Variants in CCS observed in about 807,000 individuals in gnomAD.
The protein encoded by CCS is superoxide dismutase copper chaperone.
In CCS, 32 loss-of-function variants were observed where a neutral mutation model predicts 35.5. The ratio of observed to expected loss-of-function variants is 0.90; its 90% CI spans 0.68 to 1.21. The LOEUF (loss-of-function observed/expected upper bound fraction) is 1.21. Among genes scored for constraint, CCS ranks in the 50% most tolerant of loss-of-function variants. CCS has a pLI of 0.00. For synonymous variants in CCS, 130 were observed against 147.2 expected (o/e 0.88, Z 0.84); for missense variants, 342 against 375.4 (o/e 0.91, Z 0.73).
intron 3 of CCS, 39 bp from the exon 4 acceptor site, chr11:66,599,420 T>G: frequency 6.6e-7 from 1 of 1,510,438 alleles, no homozygotes; most frequent in East Asian, 2.3e-5. Flanking sequence ...GTGTGCTGGG[T>G]GAGGTGGCAA....
chr11:66,594,091 G>A (rs1858431534), intron 2 of CCS, among the ~76,000 whole-genome samples: 1 of 152,180 alleles, frequency 6.6e-6, no homozygotes, highest in Admixed American at 6.5e-5. Context: ...GGGTGTGGTG[G>A]CTCATGCCTG....
intron 5 of CCS, among the ~76,000 whole-genome samples, chr11:66,603,956 G>A (rs1252126381): frequency 6.6e-6 from 1 of 151,852 alleles, no homozygotes; most frequent in African/African-American, 2.4e-5. Context: ...GAACCTGGGG[G>A]GTGGGGAGGT....
At chr11:66,605,452 A>G (rs774006073) in intron 6 of CCS, 36 bp downstream of exon 6, 2 of 1,613,674 alleles carry the variant, frequency 1.2e-6, no homozygotes, top group South Asian at 2.2e-5. Context: ...CCTTCCTAAC[A>G]GGGTCCATCA....
At chr11:66,593,513 G>A in intron 1 of CCS, 129 bp from the exon 2 acceptor site, 1 of 1,028,618 alleles carries the variant, frequency 9.7e-7, no homozygotes, top group Admixed American at 2.1e-5. Context: ...TCATGAAGAA[G>A]GTGCTTGAAG....
intron 2 of CCS, among the ~76,000 whole-genome samples, chr11:66,596,607 C>T (rs1858481775): frequency 6.6e-6 from 1 of 151,916 alleles, no homozygotes; most frequent in Admixed American, 6.6e-5. Context: ...GTCTCGATCT[C>T]CTGACCTTGT....
intron 2 of CCS, among the ~76,000 whole-genome samples, chr11:66,598,424 G>A (rs186375925): frequency 2.7e-4 from 40 of 149,090 alleles, no homozygotes; most frequent in African/African-American, 8.3e-4. Context: ...TAAGGCAGGA[G>A]AATCGCTTGA....
chr11:66,597,882 C>T (rs1858505551), intron 2 of CCS, among the ~76,000 whole-genome samples: 1 of 151,858 alleles, frequency 6.6e-6, no homozygotes, highest in African/African-American at 2.4e-5. Flanking sequence ...GATTATGCCA[C>T]TGCTCTCCAG....
rs763126852 is a variant in CCS, at chr11:66,600,542, C to T, written c.482C>T (p.Ser161Phe). The part of the protein sequence containing the change: ...DGASHGGPQD[S>F]DRHRGDLGNV... ...GCATCTCATGGGGGCCCCCAGGACT[C>T]TGACCGGGTAAGTGTCTGTCTGGGT... Residue 161 changes from serine (S) to phenylalanine (F), a missense_variant, in exon 5 of 8, where the codon TCT becomes TTT. Coordinates refer to ENST00000533244, the MANE Select transcript of CCS (RefSeq NM_005125.2). 3.9e-6 allele frequency: 6 copies of T among 1,522,306 alleles called. No homozygotes were observed. Among genetic ancestry groups the T allele is most frequent in the South Asian group, 3.8e-5 (3 of 78,760 alleles). The allele number at this position is 1,522,306 out of a possible 1,614,324, so 94.3% of individuals were successfully genotyped here. A position where few individuals can be genotyped will look rare whatever the true frequency, so the allele number is the denominator to read the frequency against.
intron 1 of CCS, 34 bp downstream of exon 1, chr11:66,593,334 G>A (rs1296050876): frequency 6.7e-7 from 1 of 1,492,630 alleles, no homozygotes; most frequent in African/African-American, 1.4e-5. Flanking sequence ...AGCCTCGCCG[G>A]GCAGAGAGCC....
intron 5 of CCS, 101 bp from the exon 6 acceptor site, chr11:66,605,238 T>G (rs865774734): frequency 2.6e-6 from 4 of 1,563,728 alleles, no homozygotes; most frequent in Middle Eastern, 1.7e-4. Flanking sequence ...AATGGGTACT[T>G]TAGGGAAGCA....
In CCS at chr11:66,600,528, G is replaced by C. The variant is rs746198055; in HGVS notation, c.468G>C (p.Gly156=). The C allele has an allele frequency of 3.9e-6, 6 of 1,531,400 alleles. No homozygotes were observed. The South Asian group carries it at 7.5e-5, about 19-fold the overall frequency. The allele number at this position is 1,531,400 out of a possible 1,614,324, so 94.9% of individuals were successfully genotyped here. ...NHFNPDGASH[G]GPQDSDRHRG... ...TTAACCCTGATGGAGCATCTCATGGGGGCCCCCAGGACTCTGACCGGGTAA... is the reference window on the plus strand; with the variant it reads ...TTAACCCTGATGGAGCATCTCATGGCGGCCCCCAGGACTCTGACCGGGTAA... Residue 156 remains glycine, a synonymous_variant, in exon 5 of 8, where the codon GGG becomes GGC. Transcript: ENST00000533244.
intron 2 of CCS, among the ~76,000 whole-genome samples, chr11:66,598,770 T>C (rs1858523288): frequency 6.6e-6 from 1 of 152,088 alleles, no homozygotes; most frequent in South Asian, 2.1e-4. Context: ...TTTTTATCTT[T>C]TGGCTATTGT....
chr11:66,602,539 C>T (rs1306160654), intron 5 of CCS, among the ~76,000 whole-genome samples: 1 of 152,232 alleles, frequency 6.6e-6, no homozygotes, highest in Admixed American at 6.5e-5. Flanking sequence ...ACACTAGGTC[C>T]AGCCCACACT....
In CCS at chr11:66,593,290, C is replaced by T; in HGVS notation, c.29C>T (p.Thr10Ile). 1.9e-6 allele frequency: 3 copies of T among 1,552,726 alleles called. No homozygotes were observed. Among genetic ancestry groups the T allele is most frequent in the South Asian group, 2.4e-5 (2 of 83,974 alleles). Residue 10 changes from threonine to isoleucine, a missense_variant, in exon 1 of 8, where the codon ACC (threonine) becomes ATC (isoleucine). Transcript: ENST00000533244. The stretch of plus-strand genomic sequence containing the variant: ...GCTTCGGATTCGGGGAACCAGGGGA[C>T]CCTCTGCACGGTGAGGGTCGAGGCT... Reference protein sequence around the residue: MASDSGNQGTLCTLEFAVQM... With the variant: MASDSGNQGILCTLEFAVQM...
Position 66,605,608 on chromosome 11 carries a change from C to T in CCS, c.671+16C>T. ...CCGGGGAGAGGTGAGTGGTGTCGGCCCCTGTAGGAGGCTGTGCTCTGCGGA... is the reference window on the plus strand; with the variant it reads ...CCGGGGAGAGGTGAGTGGTGTCGGCTCCTGTAGGAGGCTGTGCTCTGCGGA... On this transcript the variant is annotated intron_variant, in intron 7 of 7. Transcript: ENST00000533244. 2 of 1,610,126 alleles carry T rather than the reference C, an allele frequency of 1.2e-6. No individual in the cohort carries two copies. Among genetic ancestry groups the T allele is most frequent in the Non-Finnish European group, 1.7e-6 (2 of 1,177,868 alleles).
In CCS at chr11:66,606,015, TG is replaced by T; in HGVS notation, c.*163del. 1.4e-6 allele frequency: 1 copy of T among 712,822 alleles called. No homozygotes were observed. The highest frequency in any genetic ancestry group is 2.1e-6 in the Non-Finnish European group (1 of 483,094). 44.2% of individuals were successfully genotyped at this position (712,822 alleles called of 1,614,324 possible). A position where few individuals can be genotyped will look rare whatever the true frequency, so the allele number is the denominator to read the frequency against. On this transcript the variant is annotated 3_prime_UTR_variant, in exon 8 of 8. Transcript: ENST00000533244. ...GGCAAATGAAAGTTTTATTTTCGTT[TG>T]GGACTTGGTGTTTTGTGCTTGTCTC...
At position 66,605,762 on chromosome 11, in the gene CCS, C is replaced by T. The variant is rs758314066; in HGVS notation, c.732C>T (p.Cys244=). The stretch of plus-strand genomic sequence containing the variant: ...TTTTCCAGAACCCCAAGCAGATCTG[C>T]TCTTGCGATGGCCTCACCATCTGGG... The part of the protein sequence containing the change: ...AGLFQNPKQI[C]SCDGLTIWEE... Residue 244 remains cysteine (C), a synonymous_variant, in exon 8 of 8, where the codon TGC becomes TGT. Transcript: ENST00000533244. 1.2e-6 allele frequency: 2 copies of T among 1,607,546 alleles called. No homozygotes were observed. Among genetic ancestry groups the T allele is most frequent in the Non-Finnish European group, 1.7e-6 (2 of 1,176,788 alleles).
intron 2 of CCS, among the ~76,000 whole-genome samples, chr11:66,596,314 G>A (rs1858475504): frequency 6.6e-6 from 1 of 151,438 alleles, no homozygotes; most frequent in East Asian, 1.9e-4. Flanking sequence ...TGATCCACCT[G>A]CCTCAACCTC....
intron 5 of CCS, among the ~76,000 whole-genome samples, chr11:66,603,803 G>A (rs868008198): frequency 2.7e-5 from 4 of 150,860 alleles, no homozygotes; most frequent in East Asian, 2.0e-4. Context: ...CCGAGGTCGC[G>A]CCACTGCACT....
Sources: allele counts gnomAD v4.1 joint callset (sites outside exome capture counted in the v4.1 genomes callset), GRCh38; gene constraint gnomAD v4.1.1; transcripts MANE v1.5; gene names NCBI Gene and HGNC (gene_info 2026-07-23, HGNC 2026-07-21).